The following DDX54 variants were observed in gnomAD, a reference collection of about 807,000 sequenced individuals.
DDX54 encodes ATP-dependent RNA helicase DDX54.
A neutral mutation model predicts 105.5 loss-of-function variants in DDX54; 67 were observed. That is an observed-to-expected ratio of 0.64 (90% CI 0.52 to 0.78). The LOEUF (loss-of-function observed/expected upper bound fraction) is 0.78. DDX54 is among the 30% of genes least tolerant of loss of function. The pLI, the probability that DDX54 is intolerant of heterozygous loss-of-function variation, is 0.00. For synonymous variants in DDX54, 514 were observed against 509.9 expected (o/e 1.01, Z -0.11); for missense variants, 1,206 against 1,230.5 (o/e 0.98, Z 0.30).
intron 14 of DDX54, among the ~76,000 whole-genome samples, 172 bp from the exon 15 acceptor site, chr12:113,164,457 T>C (rs1176835821): frequency 6.6e-6 from 1 of 152,236 alleles, no homozygotes; most frequent in Non-Finnish European, 1.5e-5. Context: ...CTCATGCCTG[T>C]AATCCCAGCA....
intron 12 of DDX54, 82 bp downstream of exon 12, chr12:113,169,685 CAAA>C: frequency 1.3e-6 from 2 of 1,490,398 alleles, no homozygotes. Context: ...CTGCTGGGGT[CAAA>C]CCCAGCCCTA....
chr12:113,182,460 G>A (rs911358243), intron 1 of DDX54, among the ~76,000 whole-genome samples: 3 of 152,130 alleles, frequency 2.0e-5, no homozygotes, highest in Admixed American at 6.5e-5. Context: ...CCCTTGATAG[G>A]TCTGCCAACC....
At chr12:113,161,863 GC>G in intron 18 of DDX54, 29 bp downstream of exon 18, 1 of 1,369,808 alleles carries the variant, frequency 7.3e-7, no homozygotes. Context: ...CCTCGGCCCC[GC>G]CCCTCCCCAG....
At chr12:113,168,061 A>C in intron 12 of DDX54, 1 of 413,998 alleles carries the variant, frequency 2.4e-6, no homozygotes, top group South Asian at 1.7e-5. Context: ...TGAGGCCTCC[A>C]CCTCCAGTGA....
intron 5 of DDX54, among the ~76,000 whole-genome samples, chr12:113,178,240 A>C (rs1952428007): frequency 1.3e-5 from 2 of 152,340 alleles, no homozygotes; most frequent in South Asian, 4.1e-4. Flanking sequence ...CTGTCTCAAA[A>C]TAAACAAACA....
intron 3 of DDX54, among the ~76,000 whole-genome samples, chr12:113,179,591 G>A (rs2305898): frequency 6.6e-6 from 1 of 152,170 alleles, no homozygotes; most frequent in African/African-American, 2.4e-5. Context: ...CTCCCGTCTA[G>A]TCCTCCTCCT....
intron 10 of DDX54, 69 bp from the exon 11 acceptor site, chr12:113,172,632 A>T (rs1952354824): frequency 2.6e-6 from 4 of 1,562,764 alleles, no homozygotes; most frequent in Non-Finnish European, 3.5e-6. Flanking sequence ...AAGCCAGACC[A>T]TGGCGGGGGA....
chr12:113,180,956 T>G lies in DDX54; in HGVS notation c.277A>C (p.Lys93Gln), dbSNP rs200220997. ...ATGGACTGGAAGCCTCCAGACTTCT[T>G]CTTCTTCTTGTTCTGGGCACGCACC... ...EMVRAQNKKKKKSGGFQSMGL... is the reference protein window; with the variant it reads ...EMVRAQNKKKQKSGGFQSMGL... Residue 93 changes from lysine (K) to glutamine (Q), a missense_variant, in exon 2 of 20, where the codon AAG becomes CAG. Coordinates refer to ENST00000306014, the MANE Select transcript of DDX54 (RefSeq NM_024072.4). 6.2e-7 allele frequency: 1 copy of G among 1,613,830 alleles called. No individual in the cohort carries two copies. The highest frequency in any genetic ancestry group is 2.2e-5 in the East Asian group (1 of 44,858).
At position 113,185,320 on chromosome 12, in the gene DDX54, G is replaced by A. The variant is rs754296489; in HGVS notation, c.132C>T (p.Gly44=). 2 of 1,586,798 alleles carry A rather than the reference G, an allele frequency of 1.3e-6. No homozygotes were observed. Among genetic ancestry groups the A allele is most frequent in the Non-Finnish European group, 1.7e-6 (2 of 1,170,464 alleles). ...SQARGSDSED[G]EFEIQAEDDA... ...CATCTTCCGCCTGGATCTCAAACTC[G>A]CCGTCCTCCGAGTCGCTGCCGCGGG... The change falls in exon 1 of 20, where the codon GGC becomes GGT. Residue 44 remains glycine (G), a synonymous_variant. Coordinates refer to ENST00000306014, the MANE Select transcript of DDX54 (RefSeq NM_024072.4).
chr12:113,157,913 T>C lies in DDX54; in HGVS notation c.*964A>G, dbSNP rs531097324. 140 of 568,260 alleles carry C rather than the reference T, an allele frequency of 2.5e-4. 1 individual carries two copies. The African/African-American group carries it at 2.5e-3, about 10-fold the overall frequency. 35.2% of individuals were successfully genotyped at this position (568,260 alleles called of 1,614,324 possible). A position where few individuals can be genotyped will look rare whatever the true frequency, so the allele number is the denominator to read the frequency against. On this transcript the variant is annotated 3_prime_UTR_variant, in exon 20 of 20. Transcript: ENST00000306014. ...AGGTGATGGGAAGGTCAAGGGGCTA[T>C]GTGTGGGGCAACTGCCTCTAAAATG...
In DDX54 at chr12:113,157,690, G is replaced by A. The variant is rs776776545; in HGVS notation, c.*1187C>T. On this transcript the variant is annotated 3_prime_UTR_variant, in exon 20 of 20. Transcript: ENST00000306014. ...GCCCCTGCCTCCTAGCCCTGACACAGGTGAGCAGCGGGAGAGGGAACCCCT... is the reference window on the plus strand; with the variant it reads ...GCCCCTGCCTCCTAGCCCTGACACAAGTGAGCAGCGGGAGAGGGAACCCCT... The A allele has an allele frequency of 3.8e-5, 59 of 1,550,448 alleles. No homozygotes were observed. In the Middle Eastern group the frequency reaches 1.5e-3, roughly 39 times the overall value.
At chr12:113,176,800 G>A (rs1952408664) in intron 7 of DDX54, 40 bp downstream of exon 7, 1 of 1,606,896 alleles carries the variant, frequency 6.2e-7, no homozygotes, top group Admixed American at 1.7e-5. Flanking sequence ...TGCTTTCCCA[G>A]TTCAGACACA....
At chr12:113,183,399 G>C (rs868196600) in intron 1 of DDX54, among the ~76,000 whole-genome samples, 3 of 152,250 alleles carry the variant, frequency 2.0e-5, no homozygotes, top group African/African-American at 7.2e-5. Flanking sequence ...CTCTACATTT[G>C]TTGAGCACCT....
At chr12:113,167,610 G>A (rs1057466214) in intron 12 of DDX54, among the ~76,000 whole-genome samples, 7 of 152,188 alleles carry the variant, frequency 4.6e-5, no homozygotes, top group Non-Finnish European at 8.8e-5. Context: ...GTCGGAAACC[G>A]AACCCTGCAC....
Position 113,163,096 on chromosome 12 carries a change from C to A in DDX54, c.2081+36G>T, listed in dbSNP as rs1398140670. The A allele has an allele frequency of 6.2e-7, 1 of 1,610,926 alleles. No individual in the cohort carries two copies. The highest frequency in any genetic ancestry group is 1.7e-5 in the Admixed American group (1 of 59,876). ...ATTGGATTGATGGGACCCAGCGGACCCAACTGCCCCACCCAGGACCCAGCC... is the reference window on the plus strand; with the variant it reads ...ATTGGATTGATGGGACCCAGCGGACACAACTGCCCCACCCAGGACCCAGCC... On this transcript the variant is annotated intron_variant, in intron 16 of 19. Coordinates refer to ENST00000306014, the MANE Select transcript of DDX54 (RefSeq NM_024072.4). The surrounding 1 kb of genome is among the most constrained non-coding windows in gnomAD (Gnocchi z 5.9).
chr12:113,175,546 T>C (rs1235428505), intron 7 of DDX54, among the ~76,000 whole-genome samples: 3 of 152,104 alleles, frequency 2.0e-5, no homozygotes, highest in African/African-American at 7.2e-5. Flanking sequence ...CCAAGCACTT[T>C]GGGAGGCCAA....
chr12:113,163,488 G>C lies in DDX54; in HGVS notation c.1939-214C>G, dbSNP rs1425727901. On this transcript the variant is annotated intron_variant, in intron 15 of 19. Transcript: ENST00000306014. This position sits in a 1 kb window ranked among gnomAD's most constrained non-coding sequence, Gnocchi z 5.9. ...ACACACAGTGCAACCCCTGCCTCAGGGACCAGCAGAGGCAGGACAGCTGGG... is the reference window on the plus strand; with the variant it reads ...ACACACAGTGCAACCCCTGCCTCAGCGACCAGCAGAGGCAGGACAGCTGGG... Among the ~76,000 whole-genome samples, 1 of 152,162 alleles carries C rather than the reference G, an allele frequency of 6.6e-6. No homozygotes were observed. The highest frequency in any genetic ancestry group is 1.5e-5 in the Non-Finnish European group (1 of 68,026).
At position 113,165,692 on chromosome 12, in the gene DDX54, C is replaced by A; in HGVS notation, c.1671G>T (p.Leu557=). The A allele has an allele frequency of 6.2e-7, 1 of 1,613,664 alleles. No individual in the cohort carries two copies. The highest frequency in any genetic ancestry group is 8.5e-7 in the Non-Finnish European group (1 of 1,179,766). Residue 557 remains leucine, a synonymous_variant, in exon 14 of 20, where the codon CTG becomes CTT. Transcript: ENST00000306014. ...TGCTGTCCACCAGCCTCAGCCGCTG[C>A]AGCTCCTCCTCCTCAAAACGCGAGC... is the stretch of plus-strand genomic sequence containing the variant. The part of the protein sequence containing the change: ...LFSSRFEEEE[L]QRLRLVDSIK...
In DDX54 at chr12:113,161,964, T is replaced by C; in HGVS notation, c.2229A>G (p.Ser743=). 2 of 1,613,042 alleles carry C rather than the reference T, an allele frequency of 1.2e-6. No individual in the cohort carries two copies. Among genetic ancestry groups the C allele is most frequent in the South Asian group, 2.2e-5 (2 of 91,074 alleles). ...TAATCTTCTTCTTGTCTTCCTGTCC[T>C]GACTGTCCCACAAACCGCTTCTTCT... ...DRKKKRFVGQ[S]GQEDKKKIKT... Residue 743 remains serine, a synonymous_variant, in exon 18 of 20, where the codon TCA becomes TCG. Transcript: ENST00000306014.
Sources: gnomAD v4.1 joint callset for allele counts (sites outside exome capture counted in the v4.1 genomes callset) on GRCh38, gnomAD v4.1.1 for gene constraint, Gnocchi (gnomAD v3.1) non-coding constraint, MANE v1.5 for transcripts, NCBI Gene and HGNC (gene_info 2026-07-23, HGNC 2026-07-21) for gene names.